Variants in ERICH2 observed in about 807,000 individuals in gnomAD.
The protein encoded by ERICH2 is glutamate rich 2.
ERICH2 carries 17 observed loss-of-function variants against 17.4 expected under a neutral mutation model. The observed-to-expected ratio is 0.98, with a 90% confidence interval of 0.67 to 1.47. The LOEUF is 1.47. ERICH2 is among the 40% of genes most tolerant of loss of function. ERICH2 has a pLI of 0.00. For synonymous variants in ERICH2, 51 were observed against 61.1 expected, an observed-to-expected ratio of 0.83 and a Z score of 0.77; for missense variants, 186 against 183.2, an observed-to-expected ratio of 1.01 and a Z score of -0.09.
the ERICH2 span, among the ~76,000 whole-genome samples, chr2:170,770,412 C>T: frequency 1.3e-5 from 2 of 152,192 alleles, no homozygotes; most frequent in African/African-American, 4.8e-5. Context: ...TAGAGGGAAC[C>T]TGGGCTGCTC....
intron 2 of ERICH2, among the ~76,000 whole-genome samples, chr2:170,786,095 A>G (rs770330696): frequency 2.5e-4 from 38 of 150,958 alleles, no homozygotes; most frequent in Admixed American, 1.1e-3. Context: ...TGTCCTTTAT[A>G]TTTACCCACA....
At chr2:170,779,459 C>T (rs1700978705), upstream of ERICH2, among the ~76,000 whole-genome samples, 1 of 152,198 alleles carries the variant, frequency 6.6e-6, no homozygotes, top group Non-Finnish European at 1.5e-5. Context: ...CCACATTTAA[C>T]ATTTTCTTTT....
intron 1 of ERICH2, among the ~76,000 whole-genome samples, chr2:170,784,364 C>T (rs1701100061): frequency 1.3e-5 from 2 of 152,182 alleles, no homozygotes; most frequent in Admixed American, 6.5e-5. Context: ...GACCGACTCA[C>T]AGATCTACCA....
At chr2:170,783,885 T>C in intron 1 of ERICH2, 1 of 1,550,536 alleles carries the variant, frequency 6.4e-7, no homozygotes, top group Non-Finnish European at 8.7e-7. Flanking sequence ...ATGGCCTGAA[T>C]AACACAACCG....
At chr2:170,797,250 C>T (rs925955390) in intron 3 of ERICH2, among the ~76,000 whole-genome samples, 3 of 148,170 alleles carry the variant, frequency 2.0e-5, no homozygotes, top group Admixed American at 2.0e-4. Context: ...GCATTAAAAA[C>T]AAACAAACAA....
chr2:170,793,903 T>A (rs1701348807), intron 3 of ERICH2, among the ~76,000 whole-genome samples: 1 of 152,186 alleles, frequency 6.6e-6, no homozygotes, highest in Admixed American at 6.5e-5. Context: ...TCTATCAGCT[T>A]TGAAAATTTT....
At chr2:170,798,146 T>A (rs1338595404) in intron 4 of ERICH2, 34 bp downstream of exon 9, 1 of 1,355,952 alleles carries the variant, frequency 7.4e-7, no homozygotes, top group African/African-American at 1.4e-5. Context: ...TTGTTTCTCA[T>A]AGAACTATAA....
chr2:170,787,317 A>G (rs1701181067), intron 2 of ERICH2, among the ~76,000 whole-genome samples: 1 of 133,816 alleles, frequency 7.5e-6, no homozygotes, highest in South Asian at 2.4e-4. Flanking sequence ...TTCGGTAAAT[A>G]TTTGTTCTGG....
At chr2:170,776,328 A>G in the ERICH2 span, among the ~76,000 whole-genome samples, 2 of 152,198 alleles carry the variant, frequency 1.3e-5, no homozygotes, top group Non-Finnish European at 1.5e-5. Flanking sequence ...GATACTGTGG[A>G]AGAATTTCTT....
intron 3 of ERICH2, among the ~76,000 whole-genome samples, chr2:170,794,595 A>G (rs962138725): frequency 4.0e-4 from 61 of 152,204 alleles, no homozygotes; most frequent in African/African-American, 1.3e-3. Context: ...GAACTCTATC[A>G]TCTTTTCAAC....
the ERICH2 span, among the ~76,000 whole-genome samples, chr2:170,772,932 T>C: frequency 0.032 from 4,833 of 152,352 alleles, 252 homozygotes; most frequent in African/African-American, 0.11. Flanking sequence ...TGTCTTCCAA[T>C]ATTACAAGAG....
At chr2:170,789,057 T>C (rs1701222179) in intron 2 of ERICH2, among the ~76,000 whole-genome samples, 1 of 151,918 alleles carries the variant, frequency 6.6e-6, no homozygotes. Flanking sequence ...TGCCTCTGAG[T>C]TGAAGTGATT....
chr2:170,783,920 T>G, intron 1 of ERICH2: 3 of 1,550,080 alleles, frequency 1.9e-6, no homozygotes, highest in Non-Finnish European at 1.7e-6. Context: ...GAACTTGATA[T>G]TCCTTTTCAG....
At chr2:170,777,712 C>G in the ERICH2 span, 27 of 1,219,722 alleles carry the variant, frequency 2.2e-5, no homozygotes, top group Non-Finnish European at 2.7e-5. Context: ...TGCAGCTGAT[C>G]TCTCCCATGC....
intron 3 of ERICH2, among the ~76,000 whole-genome samples, chr2:170,795,370 C>T (rs10168078): frequency 0.66 from 99,714 of 151,720 alleles, 32,968 homozygotes; most frequent in East Asian, 0.79. Context: ...ATTTTTGAGG[C>T]ACGGTCTCAC....
chr2:170,790,113 C>G (rs1262007765), intron 2 of ERICH2, among the ~76,000 whole-genome samples: 18 of 152,278 alleles, frequency 1.2e-4, no homozygotes, highest in African/African-American at 3.9e-4. Context: ...TTAAACTAGG[C>G]ATTAACAACA....
the ERICH2 span, chr2:170,777,843 T>C: frequency 4.9e-6 from 2 of 405,160 alleles, no homozygotes; most frequent in East Asian, 7.2e-5. Context: ...TTACTATAGA[T>C]AGAAGGACAG....
upstream of ERICH2, chr2:170,782,349 G>A (rs568194213): frequency 2.9e-4 from 290 of 983,098 alleles, no homozygotes; most frequent in South Asian, 5.7e-4. Flanking sequence ...CAAATCTACA[G>A]TCTGACCTAT....
intron 2 of ERICH2, among the ~76,000 whole-genome samples, chr2:170,791,842 G>A (rs898470032): frequency 5.9e-5 from 9 of 152,088 alleles, no homozygotes; most frequent in Non-Finnish European, 1.2e-4. Context: ...ACCCATGGGA[G>A]AAATTGAGAA....
Sources: gnomAD v4.1 joint callset for allele counts (sites outside exome capture counted in the v4.1 genomes callset) on GRCh38, gnomAD v4.1.1 for gene constraint, MANE v1.5 for transcripts, NCBI Gene and HGNC (gene_info 2026-07-23, HGNC 2026-07-21) for gene names.